Variants in PER2 observed in about 807,000 individuals in gnomAD.
PER2 encodes period circadian regulator 2.
In PER2, 66 loss-of-function variants were observed where a neutral mutation model predicts 121.0. That is an observed-to-expected ratio of 0.55 (90% CI 0.45 to 0.67). The LOEUF is 0.67. Among genes scored for constraint, PER2 ranks in the 30% least tolerant of loss-of-function variants. The pLI is 0.00. For missense variants in PER2, 1,521 were observed against 1,635.0 expected, an observed-to-expected ratio of 0.93 and a Z score of 1.20; for synonymous variants, 684 against 659.9, an observed-to-expected ratio of 1.04 and a Z score of -0.56.
intron 16 of PER2, 104 bp from the exon 17 acceptor site, chr2:238,257,190 C>A: frequency 1.0e-6 from 1 of 988,992 alleles, no homozygotes; most frequent in Non-Finnish European, 1.5e-6. Context: ...CACCAGGGTG[C>A]ACACAACCCA....
At chr2:238,292,652 C>T (rs1159702641), upstream of PER2, among the ~76,000 whole-genome samples, 1 of 151,882 alleles carries the variant, frequency 6.6e-6, no homozygotes, top group African/African-American at 2.4e-5. Flanking sequence ...TTCTAATTCG[C>T]TAAGATTTTT....
In PER2 at chr2:238,256,956, G is replaced by A. The variant is rs760722122; in HGVS notation, c.2031C>T (p.Val677=). 6.2e-6 allele frequency: 10 copies of A among 1,614,148 alleles called. No individual in the cohort carries two copies. Among genetic ancestry groups the A allele is most frequent in the Non-Finnish European group, 7.6e-6 (9 of 1,180,032 alleles). ...TSQCSYSSTI[V]HVGDKKPQPE... is the part of the protein sequence containing the mutation. ...GCTGCGGCTTCTTGTCTCCCACATG[G>A]ACGATGGTGCTGCTGTAGCTGCACT... The change falls in exon 17 of 23, where the codon GTC becomes GTT. Residue 677 remains valine, a synonymous_variant. Coordinates refer to ENST00000254657, the MANE Select transcript of PER2 (RefSeq NM_022817.3).
Position 238,280,702 on chromosome 2 carries a change from C to T in PER2, c.-19-2747G>A, listed in dbSNP as rs534777835. Among the ~76,000 whole-genome samples the T allele has an allele frequency of 7.2e-5, 11 of 152,208 alleles. No individual in the cohort carries two copies. In the South Asian group the frequency reaches 2.3e-3, roughly 32 times the overall value. ...GAAGAGAAGAGAGATGGAGGACAGCCGGGTTTTACCTGTGGATTACAGCTC... is the reference window on the plus strand; with the variant it reads ...GAAGAGAAGAGAGATGGAGGACAGCTGGGTTTTACCTGTGGATTACAGCTC... On this transcript the variant is annotated intron_variant, in intron 1 of 22. Coordinates refer to ENST00000254657, the MANE Select transcript of PER2 (RefSeq NM_022817.3).
At chr2:238,272,479 C>T (rs777973992) in intron 5 of PER2, among the ~76,000 whole-genome samples, 2 of 152,186 alleles carry the variant, frequency 1.3e-5, no homozygotes, top group African/African-American at 2.4e-5. Flanking sequence ...CTGGGGGTTA[C>T]GCTGGAGGAA....
At chr2:238,257,998 CAGG>C (rs1219121924) in intron 16 of PER2, among the ~76,000 whole-genome samples, 7 of 152,338 alleles carry the variant, frequency 4.6e-5, no homozygotes, top group South Asian at 2.1e-4. Flanking sequence ...TGAAGGGGAC[CAGG>C]AGATGTCCCT....
intron 14 of PER2, among the ~76,000 whole-genome samples, chr2:238,258,850 G>C (rs1695842107): frequency 1.3e-5 from 2 of 152,088 alleles, no homozygotes; most frequent in South Asian, 4.1e-4. Context: ...CCTGGGGGGG[G>C]AGCTGCTGCC....
Position 238,253,281 on chromosome 2 carries a change from G to A in PER2, c.2742C>T (p.Pro914=), listed in dbSNP as rs1197934126. The change falls in exon 19 of 23, where the codon CCC becomes CCT. Residue 914 remains proline, a synonymous_variant. Coordinates refer to ENST00000254657, the MANE Select transcript of PER2 (RefSeq NM_022817.3). The surrounding 1 kb of genome is among the most constrained non-coding windows in gnomAD (Gnocchi z 5.6). ...CCTGGGGCAGGTTTGGGGTCCCCGA[G>A]GGGAAGGAATAACTGGGTAGCATGA... ...MAFMLPSYSF[P]SGTPNLPQAF... is the part of the protein sequence containing the mutation. The A allele has an allele frequency of 1.9e-6, 3 of 1,612,152 alleles. No homozygotes were observed. Among genetic ancestry groups the A allele is most frequent in the Non-Finnish European group, 1.7e-6 (2 of 1,178,776 alleles).
chr2:238,262,554 C>G (rs545632809), intron 10 of PER2, among the ~76,000 whole-genome samples: 7 of 152,278 alleles, frequency 4.6e-5, no homozygotes, highest in African/African-American at 1.4e-4. Context: ...TCCCATGTTT[C>G]ACCTCTGCTA....
chr2:238,292,064 A>C (rs1294552498), upstream of PER2, among the ~76,000 whole-genome samples: 2 of 152,222 alleles, frequency 1.3e-5, no homozygotes, highest in African/African-American at 4.8e-5. Context: ...AGGCTGAGGC[A>C]GGAGGATCCC....
intron 1 of PER2, among the ~76,000 whole-genome samples, chr2:238,280,870 G>A (rs1696608831): frequency 6.6e-6 from 1 of 152,036 alleles, no homozygotes; most frequent in Non-Finnish European, 1.5e-5. Context: ...ATGACAAACG[G>A]TATCTTCAAG....
At chr2:238,270,970 G>A (rs957757702) in intron 6 of PER2, among the ~76,000 whole-genome samples, 2 of 152,218 alleles carry the variant, frequency 1.3e-5, no homozygotes, top group East Asian at 3.8e-4. Flanking sequence ...CTGCGTGCAG[G>A]GAGCAGGGTG....
chr2:238,251,893 G>T (rs1024149440), intron 19 of PER2, 132 bp from the exon 20 acceptor site: 1 of 776,078 alleles, frequency 1.3e-6, no homozygotes, highest in Non-Finnish European at 2.2e-6. Flanking sequence ...AAGGTTCACG[G>T]CCAGGGACGG....
chr2:238,299,783 T>C, the PER2 span: 11 of 152,244 alleles, frequency 7.2e-5, 1 homozygote, highest in Admixed American at 7.2e-4. Context: ...GAACAGGTTG[T>C]TCTTACGGAA....
At chr2:238,293,678 T>A (rs1209960950), upstream of PER2, among the ~76,000 whole-genome samples, 9 of 147,880 alleles carry the variant, frequency 6.1e-5, no homozygotes, top group African/African-American at 2.3e-4. Flanking sequence ...GAGGCTGCAG[T>A]GAGCCAAGAT....
Position 238,260,944 on chromosome 2 carries a change from G to A in PER2, c.1426C>T (p.His476Tyr), listed in dbSNP as rs80156481. The A allele has an allele frequency of 1.9e-6, 3 of 1,613,122 alleles. No individual in the cohort carries two copies. Among genetic ancestry groups the A allele is most frequent in the East Asian group, 4.5e-5 (2 of 44,888 alleles). Residue 476 changes from histidine (H) to tyrosine (Y), a missense_variant, in exon 13 of 23, where the codon CAC (histidine) becomes TAC (tyrosine). By Grantham distance (83) the His-to-Tyr change is moderately conservative. Coordinates refer to ENST00000254657, the MANE Select transcript of PER2 (RefSeq NM_022817.3). Reference protein sequence around the residue: ...IHRLLLQPVPHSGSSGYGSLG... With the variant: ...IHRLLLQPVPYSGSSGYGSLG... ...CTCCCGTAGCCACTGGAGCCGCTGT[G>A]GGGGACGGGCTGGGGAGACAGCAGA...
rs772415931 is a variant in PER2, at chr2:238,250,749, A to G, written c.3275-6T>C. The G allele has an allele frequency of 6.2e-7, 1 of 1,602,654 alleles. No homozygotes were observed. Among genetic ancestry groups the G allele is most frequent in the African/African-American group, 1.3e-5 (1 of 74,722 alleles). On this transcript the variant is annotated splice_polypyrimidine_tract_variant and splice_region_variant and intron_variant, in intron 20 of 22. Transcript: ENST00000254657. ...ATGACTTGTGTCACTACTGCCTTTA[A>G]AAACAAAAAACGTGGTGCGTCAAAA...
rs377316349 is a variant in PER2 at position 238,261,902 on chromosome 2, A to G, written c.1308-65T>C. 127 of 1,140,756 alleles carry G rather than the reference A, an allele frequency of 1.1e-4. No individual in the cohort carries two copies. In the African/African-American group the frequency reaches 1.6e-3, roughly 15 times the overall value. The allele number at this position is 1,140,756 out of a possible 1,614,324, so 70.7% of individuals were successfully genotyped here. A position where few individuals can be genotyped will look rare whatever the true frequency, so the allele number is the denominator to read the frequency against. ...AGGAGGACCTCTCTGGCGTGACTGT[A>G]TAGCCACTACATGCTGCCTGCCTGG... is the stretch of plus-strand genomic sequence containing the variant. On this transcript the variant is annotated intron_variant, in intron 11 of 22. Transcript: ENST00000254657.
intron 1 of PER2, among the ~76,000 whole-genome samples, chr2:238,286,362 C>T (rs1397179769): frequency 6.6e-6 from 1 of 152,200 alleles, no homozygotes. Context: ...CTCTGAAAAC[C>T]AAGTGGCCTT....
In PER2 at chr2:238,253,223, G is replaced by T. The variant is rs1471079264; in HGVS notation, c.2800C>A (p.His934Asn). The T allele has an allele frequency of 6.3e-7, 1 of 1,599,506 alleles. No individual in the cohort carries two copies. Among genetic ancestry groups the T allele is most frequent in the Non-Finnish European group, 8.5e-7 (1 of 1,171,048 alleles). ...GCCATCTCGGATGTGAGTGTGGGGTGGCTCGGAAACTGAGGCTGGCTGGGG... is the reference window on the plus strand; with the variant it reads ...GCCATCTCGGATGTGAGTGTGGGGTTGCTCGGAAACTGAGGCTGGCTGGGG... ...FFPSQPQFPSHPTLTSEMASA... is the reference protein window; with the variant it reads ...FFPSQPQFPSNPTLTSEMASA... Residue 934 changes from histidine (H) to asparagine (N), a missense_variant, in exon 19 of 23, where the codon CAC (histidine) becomes AAC (asparagine). His to Asn is a moderately conservative substitution (Grantham distance 68, BLOSUM62 1). Transcript: ENST00000254657. The surrounding 1 kb of genome is among the most constrained non-coding windows in gnomAD (Gnocchi z 5.6).
Sources: allele counts gnomAD v4.1 joint callset (sites outside exome capture counted in the v4.1 genomes callset), GRCh38; gene constraint gnomAD v4.1.1; non-coding constraint Gnocchi (gnomAD v3.1); transcripts MANE v1.5; gene names NCBI Gene and HGNC (gene_info 2026-07-23, HGNC 2026-07-21).